Variants in FAAH2 observed in about 807,000 individuals in gnomAD.
FAAH2 encodes the protein fatty acid amide hydrolase 2.
A neutral mutation model predicts 36.9 loss-of-function variants in FAAH2; 60 were observed. The ratio of observed to expected loss-of-function variants is 1.63; its 90% CI spans 1.32 to 2.02. FAAH2 has a LOEUF of 2.02. FAAH2 is among the 30% of genes most tolerant of loss of function. FAAH2 has a pLI of 0.00. For missense variants in FAAH2, 689 were observed against 397.5 expected (o/e 1.73, Z -6.23); for synonymous variants, 214 against 143.8 (o/e 1.49, Z -3.49).
At chrX:57,488,720 GTCTTGATT>G in intron 10 of FAAH2, 29 bp from the exon 11 acceptor site, 1 of 1,191,800 alleles carries the variant, frequency 8.4e-7, no homozygotes, top group Non-Finnish European at 1.1e-6. Context: ...TCAGGAACAG[GTCTTGATT>G]TCTCACTTAT....
chrX:57,294,934 CA>C (rs919929027), intron 2 of FAAH2, among the ~76,000 whole-genome samples: 10 of 108,707 alleles, frequency 9.2e-5, no homozygotes, highest in African/African-American at 2.7e-4. Flanking sequence ...AATGAAAAAA[CA>C]AAAAAAAAGT....
chrX:57,276,967 C>T, the FAAH2 span, among the ~76,000 whole-genome samples: 11 of 111,067 alleles, frequency 9.9e-5, no homozygotes, highest in African/African-American at 2.9e-4. Context: ...CAGGATCGGA[C>T]GTATTCACAG....
chrX:57,251,843 G>A, the FAAH2 span, among the ~76,000 whole-genome samples: 8 of 111,917 alleles, frequency 7.1e-5, no homozygotes, highest in African/African-American at 2.6e-4. Context: ...ACTAGGAATG[G>A]TTGGAGAGTG....
At chrX:57,300,862 G>T (rs946269858) in intron 2 of FAAH2, among the ~76,000 whole-genome samples, 1 of 112,210 alleles carries the variant, frequency 8.9e-6, no homozygotes, top group Non-Finnish European at 1.9e-5. Context: ...ATGAAAAAAT[G>T]CTCATCATCA....
the FAAH2 span, among the ~76,000 whole-genome samples, chrX:57,243,852 C>G: frequency 9.1e-6 from 1 of 110,481 alleles, no homozygotes; most frequent in African/African-American, 3.3e-5. Context: ...TCCAAAGGAT[C>G]ACAATTCCTT....
the FAAH2 span, among the ~76,000 whole-genome samples, chrX:57,216,948 G>A: frequency 9.2e-6 from 1 of 108,832 alleles, no homozygotes; most frequent in Non-Finnish European, 1.9e-5. Flanking sequence ...ACTGTTTTTT[G>A]ATTTTTTTAT....
At chrX:57,259,841 G>GA in the FAAH2 span, among the ~76,000 whole-genome samples, 11 of 111,600 alleles carry the variant, frequency 9.9e-5, no homozygotes, top group Admixed American at 4.8e-4. Flanking sequence ...AACAAAGCTG[G>GA]AAAAAATATT....
intron 2 of FAAH2, among the ~76,000 whole-genome samples, chrX:57,301,529 G>A (rs1295271608): frequency 9.3e-6 from 1 of 107,244 alleles, no homozygotes; most frequent in South Asian, 4.2e-4. Flanking sequence ...GAGTTAATGG[G>A]TGCAGCACAC....
intron 3 of FAAH2, among the ~76,000 whole-genome samples, chrX:57,321,810 T>C (rs1332368668): frequency 9.0e-6 from 1 of 111,455 alleles, no homozygotes; most frequent in Non-Finnish European, 1.9e-5. Flanking sequence ...TTGGTTATTA[T>C]GCAGATTTGT....
intron 5 of FAAH2, among the ~76,000 whole-genome samples, chrX:57,348,433 T>C (rs957433421): frequency 9.0e-6 from 1 of 111,129 alleles, no homozygotes; most frequent in African/African-American, 3.3e-5. Context: ...ACTTTCCTAC[T>C]TAGTTCACTG....
chrX:57,276,256 G>A, the FAAH2 span, among the ~76,000 whole-genome samples: 6 of 111,749 alleles, frequency 5.4e-5, no homozygotes, highest in Middle Eastern at 4.6e-3. Context: ...GTTAGAATTC[G>A]GGATTAAGAA....
chrX:57,417,911 T>C (rs1478822690), intron 7 of FAAH2, among the ~76,000 whole-genome samples: 4 of 112,007 alleles, frequency 3.6e-5, no homozygotes, highest in Non-Finnish European at 7.5e-5. Flanking sequence ...GTTGCCTTTC[T>C]TTCAGAGATG....
chrX:57,125,557 G>T, the FAAH2 span, among the ~76,000 whole-genome samples: 2 of 111,825 alleles, frequency 1.8e-5, no homozygotes, highest in South Asian at 7.5e-4. Flanking sequence ...AACTTTGCCA[G>T]TAGAAAAACA....
chrX:57,441,365 C>G (rs1198727609), intron 8 of FAAH2, among the ~76,000 whole-genome samples: 2 of 111,367 alleles, frequency 1.8e-5, no homozygotes, highest in South Asian at 3.8e-4. Flanking sequence ...TCCGTTTCTT[C>G]TAGATTTTCT....
At chrX:57,202,434 C>T in the FAAH2 span, among the ~76,000 whole-genome samples, 2 of 111,535 alleles carry the variant, frequency 1.8e-5, no homozygotes, top group African/African-American at 6.5e-5. Flanking sequence ...GAAAAATTAC[C>T]TGGATAACCA....
At chrX:57,244,826 G>A in the FAAH2 span, among the ~76,000 whole-genome samples, 4 of 111,072 alleles carry the variant, frequency 3.6e-5, no homozygotes, top group African/African-American at 1.3e-4. Flanking sequence ...ATCAATTAAC[G>A]GACAAAACAG....
chrX:57,421,282 A>G (rs2056017431), intron 7 of FAAH2, among the ~76,000 whole-genome samples: 1 of 111,640 alleles, frequency 9.0e-6, no homozygotes, highest in Admixed American at 9.5e-5. Context: ...CGTCTCTTCT[A>G]AAAATACGAA....
At chrX:57,136,143 A>G in the FAAH2 span, 2 of 1,209,886 alleles carry the variant, frequency 1.7e-6, no homozygotes, top group Non-Finnish European at 2.2e-6. Context: ...TGCTTGAGCT[A>G]AGACCATCCC....
the FAAH2 span, among the ~76,000 whole-genome samples, chrX:57,217,034 T>C: frequency 9.9e-5 from 11 of 111,447 alleles, no homozygotes; most frequent in Admixed American, 8.6e-4. Flanking sequence ...TTAGTGATGT[T>C]GAACATTTTT....
Sources: allele counts gnomAD v4.1 joint callset (sites outside exome capture counted in the v4.1 genomes callset), GRCh38; gene constraint gnomAD v4.1.1; transcripts MANE v1.5; gene names NCBI Gene and HGNC (gene_info 2026-07-23, HGNC 2026-07-21).